TRHDE: variants seen among roughly 807,000 people sequenced by gnomAD.
TRHDE encodes thyrotropin-releasing hormone-degrading ectoenzyme.
Under a neutral mutation model 125.7 loss-of-function variants are expected in TRHDE, and 72 were observed. The ratio of observed to expected loss-of-function variants is 0.57; its 90% CI spans 0.47 to 0.70. The LOEUF is 0.70. Among genes scored for constraint, TRHDE ranks in the 30% least tolerant of loss-of-function variants. The pLI, the probability that TRHDE is intolerant of heterozygous loss-of-function variation, is 0.00. For missense variants in TRHDE, 1,110 were observed against 1,327.1 expected (o/e 0.84, Z 2.54); for synonymous variants, 509 against 509.1 (o/e 1.00, Z 0.00).
chr12:72,421,601 G>A (rs1463991818), intron 3 of TRHDE, among the ~76,000 whole-genome samples: 2 of 152,174 alleles, frequency 1.3e-5, no homozygotes, highest in East Asian at 1.9e-4. Flanking sequence ...TGTAAAACAA[G>A]CCACATTCAA....
chr12:72,222,541 T>A (rs1270724362), intron 2 of TRHDE, among the ~76,000 whole-genome samples: 1 of 152,002 alleles, frequency 6.6e-6, no homozygotes, highest in Admixed American at 6.6e-5. Flanking sequence ...TGTCTGGGGA[T>A]AAGAGGATGA....
At chr12:72,427,110 C>T (rs1379574229) in intron 3 of TRHDE, among the ~76,000 whole-genome samples, 3 of 152,062 alleles carry the variant, frequency 2.0e-5, no homozygotes, top group Admixed American at 6.6e-5. Flanking sequence ...GTCTCTGTGG[C>T]AACTATGCTG....
intron 2 of TRHDE, among the ~76,000 whole-genome samples, chr12:72,237,639 A>G (rs149828061): frequency 1.1e-3 from 168 of 151,840 alleles, no homozygotes; most frequent in African/African-American, 3.8e-3. Flanking sequence ...CACTGTGTGC[A>G]CTCTCTCTCC....
At chr12:72,279,415 A>G (rs115208784) in intron 1 of TRHDE, among the ~76,000 whole-genome samples, 2,648 of 152,102 alleles carry the variant, frequency 0.017, 71 homozygotes, top group African/African-American at 0.061. Flanking sequence ...CATCATCATC[A>G]TTTCTCAATT....
At chr12:72,652,903 C>A in intron 16 of TRHDE, 113 bp from the exon 17 acceptor site, 1 of 747,252 alleles carries the variant, frequency 1.3e-6, no homozygotes, top group Non-Finnish European at 2.1e-6. Flanking sequence ...TTAAAGATTG[C>A]ACTAGACTAT....
At chr12:72,347,642 G>T (rs1870387500) in intron 2 of TRHDE, among the ~76,000 whole-genome samples, 1 of 152,004 alleles carries the variant, frequency 6.6e-6, no homozygotes, top group African/African-American at 2.4e-5. Flanking sequence ...GGGTTGTTGG[G>T]CTGAGGGCTT....
chr12:72,252,115 A>G (rs10879385), intron 2 of TRHDE, among the ~76,000 whole-genome samples: 107,567 of 151,920 alleles, frequency 0.71, 40,141 homozygotes, highest in East Asian at 0.96. Context: ...TCTTAACAGC[A>G]CATTTTCCAT....
intron 2 of TRHDE, among the ~76,000 whole-genome samples, chr12:72,362,671 T>G (rs1162199103): frequency 6.6e-6 from 1 of 151,682 alleles, no homozygotes; most frequent in Admixed American, 6.6e-5. Flanking sequence ...TGCCTAGGTT[T>G]TCTTCTAGGG....
At chr12:72,399,793 A>G (rs1293672887) in intron 3 of TRHDE, among the ~76,000 whole-genome samples, 1 of 152,130 alleles carries the variant, frequency 6.6e-6, no homozygotes, top group East Asian at 1.9e-4. Context: ...AACTTTAAAA[A>G]CTAGGCTACT....
At chr12:72,492,846 A>G (rs1002915995) in intron 5 of TRHDE, among the ~76,000 whole-genome samples, 1 of 151,916 alleles carries the variant, frequency 6.6e-6, no homozygotes, top group Non-Finnish European at 1.5e-5. Context: ...TGGTAGCTCA[A>G]GTAAACTTGA....
At chr12:72,223,580 ATATT>A (rs1478113429) in intron 2 of TRHDE, among the ~76,000 whole-genome samples, 1 of 152,084 alleles carries the variant, frequency 6.6e-6, no homozygotes, top group Non-Finnish European at 1.5e-5. Context: ...AAAAAGATAA[ATATT>A]TTCTAACCCC....
chr12:72,333,197 AC>A (rs1448051747), intron 2 of TRHDE, among the ~76,000 whole-genome samples: 1 of 152,232 alleles, frequency 6.6e-6, no homozygotes, highest in African/African-American at 2.4e-5. Context: ...CTTTGGTGGT[AC>A]CCAGTGAAGA....
chr12:72,542,228 A>C (rs1869186249), intron 6 of TRHDE, 63 bp from the exon 7 acceptor site: 2 of 1,329,398 alleles, frequency 1.5e-6, no homozygotes, highest in Non-Finnish European at 2.1e-6. Flanking sequence ...GATTTGAGTA[A>C]AACAACTTTA....
intron 3 of TRHDE, among the ~76,000 whole-genome samples, chr12:72,426,758 G>A (rs577069128): frequency 2.0e-5 from 3 of 151,370 alleles, no homozygotes; most frequent in South Asian, 2.1e-4. Context: ...TACATTCTTA[G>A]GGATTATTTT....
intron 12 of TRHDE, among the ~76,000 whole-genome samples, chr12:72,579,846 T>C (rs1871154413): frequency 6.6e-6 from 1 of 152,168 alleles, no homozygotes; most frequent in African/African-American, 2.4e-5. Context: ...AAGGTTTTAA[T>C]TTTTGTGGAT....
At chr12:72,360,211 A>C (rs1293268113) in intron 2 of TRHDE, among the ~76,000 whole-genome samples, 1 of 151,816 alleles carries the variant, frequency 6.6e-6, no homozygotes, top group Admixed American at 6.6e-5. Context: ...AGACCCAGAA[A>C]GTACAAACCC....
chr12:72,434,522 A>G (rs1323614380), intron 3 of TRHDE, among the ~76,000 whole-genome samples: 1 of 152,026 alleles, frequency 6.6e-6, no homozygotes, highest in Admixed American at 6.6e-5. Flanking sequence ...GGAGCTCCTC[A>G]TGCTGCCATT....
intron 3 of TRHDE, among the ~76,000 whole-genome samples, chr12:72,421,739 G>A (rs1266879380): frequency 6.6e-6 from 1 of 152,072 alleles, no homozygotes; most frequent in Non-Finnish European, 1.5e-5. Flanking sequence ...TATTATTTTG[G>A]ACAATGAGTT....
At chr12:72,339,641 A>C (rs1869990629) in intron 2 of TRHDE, among the ~76,000 whole-genome samples, 1 of 152,124 alleles carries the variant, frequency 6.6e-6, no homozygotes, top group African/African-American at 2.4e-5. Context: ...GAAAACAGAC[A>C]TAATTATTTA....
Sources: allele counts gnomAD v4.1 joint callset (sites outside exome capture counted in the v4.1 genomes callset), GRCh38; gene constraint gnomAD v4.1.1; transcripts MANE v1.5; gene names NCBI Gene and HGNC (gene_info 2026-07-23, HGNC 2026-07-21).